The following SLC6A19 variants were observed in gnomAD, a reference collection of about 807,000 sequenced individuals.
SLC6A19 encodes the protein sodium-dependent neutral amino acid transporter B(0)AT1.
SLC6A19 carries 67 observed loss-of-function variants against 68.3 expected under a neutral mutation model. That is an observed-to-expected ratio of 0.98 (90% CI 0.81 to 1.20). The LOEUF (loss-of-function observed/expected upper bound fraction) is 1.20, where lower values mean the gene tolerates loss of function less well. Ranked by LOEUF, SLC6A19 falls within the 50% of genes most tolerant of loss-of-function variation. SLC6A19 has a pLI of 0.00. For missense variants in SLC6A19, 813 were observed against 851.6 expected, an observed-to-expected ratio of 0.95 and a Z score of 0.56; for synonymous variants, 392 against 374.9, an observed-to-expected ratio of 1.05 and a Z score of -0.53.
At position 1,216,882 on chromosome 5, in the gene SLC6A19, C is replaced by G. The variant is rs564673494; in HGVS notation, c.1110C>G (p.Ser370=). The G allele has an allele frequency of 1.2e-6, 2 of 1,613,558 alleles. No homozygotes were observed. The highest frequency in any genetic ancestry group is 1.7e-6 in the Non-Finnish European group (2 of 1,180,040). ...ACATGCAGCAGCGGTGCAACGCCTC[C>G]GACCCCGCGGCCTACGCGCAGCTGG... ...FVDMQQRCNA[S]DPAAYAQLVF... Residue 370 remains serine, a synonymous_variant, in exon 8 of 12, where the codon TCC becomes TCG. Transcript: ENST00000304460.
intron 8 of SLC6A19, among the ~76,000 whole-genome samples, chr5:1,218,702 G>C (rs1746273367): frequency 6.6e-6 from 1 of 152,194 alleles, no homozygotes; most frequent in Non-Finnish European, 1.5e-5. Context: ...CTTGGTGATG[G>C]GATCCACGTG....
At chr5:1,208,908 C>A (rs769418030) in intron 2 of SLC6A19, 22 bp downstream of exon 2, 1 of 1,599,788 alleles carries the variant, frequency 6.3e-7, no homozygotes, top group Admixed American at 1.7e-5. Flanking sequence ...GGAGCAGTTC[C>A]ACCCGGGCCC....
intron 8 of SLC6A19, 138 bp downstream of exon 8, chr5:1,217,083 C>A: frequency 7.3e-7 from 1 of 1,376,786 alleles, no homozygotes; most frequent in Non-Finnish European, 1.0e-6. Flanking sequence ...CCACTGTCTG[C>A]TCTGCCTGGC....
Position 1,221,883 on chromosome 5 carries a change from G to C in SLC6A19, c.1884G>C (p.Met628Ile), listed in dbSNP as rs1325222691. 11 of 1,614,150 alleles carry C rather than the reference G, an allele frequency of 6.8e-6. No homozygotes were observed. Among genetic ancestry groups the C allele is most frequent in the Non-Finnish European group, 8.5e-6 (10 of 1,180,034 alleles). Residue 628 changes from methionine to isoleucine, a missense_variant, in exon 12 of 12, where the codon ATG (methionine) becomes ATC (isoleucine). By Grantham distance (10) the Met-to-Ile change is conservative. Transcript: ENST00000304460. ...GLVSTLSTASMNGDLKY is the reference protein window; with the variant it reads ...GLVSTLSTASINGDLKY ...TGAGCACACTGTCCACAGCCTCCAT[G>C]AACGGGGACCTGAAGTACTGAGAAG...
At position 1,221,701 on chromosome 5, in the gene SLC6A19, G is replaced by A; in HGVS notation, c.1702G>A (p.Glu568Lys). The A allele has an allele frequency of 6.2e-7, 1 of 1,613,936 alleles. No individual in the cohort carries two copies. Among genetic ancestry groups the A allele is most frequent in the Non-Finnish European group, 8.5e-7 (1 of 1,179,868 alleles). ...LTYSIWDPGYEEFPKSQKISY... is the reference protein window; with the variant it reads ...LTYSIWDPGYKEFPKSQKISY... ...CTCACCCATGGGGCTCTCTCCCCAG[G>A]AGGAATTTCCCAAATCCCAGAAGAT... The change falls in exon 12 of 12, where the codon GAG (glutamate) becomes AAG (lysine). Residue 568 changes from glutamate (E) to lysine (K), a missense_variant and splice_region_variant. By Grantham distance (56) the Glu-to-Lys change is moderately conservative (BLOSUM62 1). Coordinates refer to ENST00000304460, the MANE Select transcript of SLC6A19 (RefSeq NM_001003841.3).
At chr5:1,205,198 G>C (rs13170093) in intron 1 of SLC6A19, among the ~76,000 whole-genome samples, 5,289 of 152,308 alleles carry the variant, frequency 0.035, 147 homozygotes, top group Non-Finnish European at 0.051. Flanking sequence ...GCAGAGCCAC[G>C]CAGTGTTCCC....
At position 1,215,164 on chromosome 5, in the gene SLC6A19, A is replaced by C. The variant is rs936759389; in HGVS notation, c.887+1099A>C. ...CCTGGGCACTGCAGGCAGCTGGGGC[A>C]GGGCCAAGGCAGGATTGAGGACTCT... On this transcript the variant is annotated intron_variant, in intron 6 of 11. Transcript: ENST00000304460. The surrounding 1 kb of genome is among the most constrained non-coding windows in gnomAD (Gnocchi z 5.1). Among the ~76,000 whole-genome samples, 2 of 152,102 alleles carry C rather than the reference A, an allele frequency of 1.3e-5. No individual in the cohort carries two copies. The highest frequency in any genetic ancestry group is 2.9e-5 in the Non-Finnish European group (2 of 67,988).
rs761618198 is a variant in SLC6A19, at chr5:1,221,719, CAGA to C, written c.1724_1726del (p.Lys575del). ...TCCCCAGGAGGAATTTCCCAAATCC[CAGA>C]AGATCTCCTACCCGAACTGGGTGTA... On this transcript the variant is annotated inframe_deletion, in exon 12 of 12. Transcript: ENST00000304460. 2 of 1,613,906 alleles carry C rather than the reference CAGA, an allele frequency of 1.2e-6. No homozygotes were observed. The highest frequency in any genetic ancestry group is 8.5e-7 in the Non-Finnish European group (1 of 1,179,914).
In SLC6A19 at chr5:1,221,181, C is replaced by G. The variant is rs766671866; in HGVS notation, c.1569C>G (p.Gly523=). 9 of 1,613,982 alleles carry G rather than the reference C, an allele frequency of 5.6e-6. No homozygotes were observed. In the Middle Eastern group the frequency reaches 9.9e-4, roughly 177 times the overall value. ...RFNKDIEFMI[G]HKPNIFWQVT... ...ATAAGGACATCGAGTTCATGATCGGCCACAAGCCCAACATCTTCTGGCAAG... is the reference window on the plus strand; with the variant it reads ...ATAAGGACATCGAGTTCATGATCGGGCACAAGCCCAACATCTTCTGGCAAG... Residue 523 remains glycine, a synonymous_variant, in exon 11 of 12, where the codon GGC becomes GGG. Coordinates refer to ENST00000304460, the MANE Select transcript of SLC6A19 (RefSeq NM_001003841.3).
At position 1,212,940 on chromosome 5, in the gene SLC6A19, C is replaced by T. The variant is rs1746085110; in HGVS notation, c.663+456C>T. Among the ~76,000 whole-genome samples, 1 of 151,752 alleles carries T rather than the reference C, an allele frequency of 6.6e-6. No individual in the cohort carries two copies. Among genetic ancestry groups the T allele is most frequent in the Non-Finnish European group, 1.5e-5 (1 of 67,900 alleles). ...AGCCTGTGAGGCCCTGTCCCCGTTC[C>T]CACTCGTCCCACATGCCCCCCACCA... On this transcript the variant is annotated intron_variant, in intron 4 of 11. Coordinates refer to ENST00000304460, the MANE Select transcript of SLC6A19 (RefSeq NM_001003841.3). The surrounding 1 kb of genome is among the most constrained non-coding windows in gnomAD (Gnocchi z 5.1).
chr5:1,201,979 G>A (rs942104383), intron 1 of SLC6A19, 127 bp downstream of exon 1: 12 of 1,299,174 alleles, frequency 9.2e-6, no homozygotes, highest in African/African-American at 3.0e-5. Context: ...AGGAGAAGCC[G>A]CAGGGTGTGG....
chr5:1,217,683 G>A (rs367727072), intron 8 of SLC6A19, among the ~76,000 whole-genome samples: 1 of 152,210 alleles, frequency 6.6e-6, no homozygotes, highest in Non-Finnish European at 1.5e-5. Context: ...TGCAGGATGC[G>A]CAGGCAGGAG....
rs779304140 is a variant in SLC6A19 at position 1,219,638 on chromosome 5, T to C, written c.1512T>C (p.Ser504=). Residue 504 remains serine (S), a synonymous_variant, in exon 10 of 12, where the codon TCT becomes TCC. Transcript: ENST00000304460. ...TCATCGCCTTCTGCGAGATGTTCTC[T>C]GTGGTCTACGTGTACGGTGTGGACA... ...LLIIAFCEMF[S]VVYVYGVDRF... 6.2e-7 allele frequency: 1 copy of C among 1,607,576 alleles called. No homozygotes were observed. Among genetic ancestry groups the C allele is most frequent in the Admixed American group, 1.7e-5 (1 of 60,026 alleles).
chr5:1,205,513 G>A (rs572867257), intron 1 of SLC6A19, among the ~76,000 whole-genome samples: 7 of 152,288 alleles, frequency 4.6e-5, no homozygotes, highest in East Asian at 3.9e-4. Context: ...TCTCCTGCCC[G>A]GAGGAACCTT....
At chr5:1,202,743 C>G (rs905047757) in intron 1 of SLC6A19, among the ~76,000 whole-genome samples, 3 of 152,210 alleles carry the variant, frequency 2.0e-5, no homozygotes, top group Non-Finnish European at 2.9e-5. Context: ...CCTCAGGGGG[C>G]CCTGTTCCTT....
chr5:1,220,426 A>AT (rs1746343256), intron 10 of SLC6A19, among the ~76,000 whole-genome samples: 2 of 150,418 alleles, frequency 1.3e-5, no homozygotes, highest in Non-Finnish European at 3.0e-5. Context: ...AAAAAAAAAA[A>AT]AGAGGAAGAA....
chr5:1,221,855 T>A lies in SLC6A19; in HGVS notation c.1856T>A (p.Leu619Gln). The change falls in exon 12 of 12, where the codon CTG becomes CAG. Residue 619 changes from leucine to glutamine, a missense_variant. Transcript: ENST00000304460. ...HCQKPGDHQGLVSTLSTASMN... is the reference protein window; with the variant it reads ...HCQKPGDHQGQVSTLSTASMN... The stretch of plus-strand genomic sequence containing the variant: ...CAGAAGCCAGGGGACCATCAGGGGC[T>A]GGTGAGCACACTGTCCACAGCCTCC... 1 of 1,614,158 alleles carries A rather than the reference T, an allele frequency of 6.2e-7. No individual in the cohort carries two copies. Among genetic ancestry groups the A allele is most frequent in the Non-Finnish European group, 8.5e-7 (1 of 1,180,038 alleles).
At position 1,212,598 on chromosome 5, in the gene SLC6A19, T is replaced by G; in HGVS notation, c.663+114T>G. 1 of 1,344,538 alleles carries G rather than the reference T, an allele frequency of 7.4e-7. No individual in the cohort carries two copies. The highest frequency in any genetic ancestry group is 1.9e-5 in the Admixed American group (1 of 52,456). 83.3% of individuals were successfully genotyped at this position (1,344,538 alleles called of 1,614,324 possible). On this transcript the variant is annotated intron_variant, in intron 4 of 11. Coordinates refer to ENST00000304460, the MANE Select transcript of SLC6A19 (RefSeq NM_001003841.3). The surrounding 1 kb of genome is among the most constrained non-coding windows in gnomAD (Gnocchi z 5.1). ...GTCTGGGGGTCCCGGGCTCTGCCTTTCCCCAGACCCCACCAAGAGAGCTGC... is the reference window on the plus strand; with the variant it reads ...GTCTGGGGGTCCCGGGCTCTGCCTTGCCCCAGACCCCACCAAGAGAGCTGC...
At chr5:1,217,703 A>G (rs1462061013) in intron 8 of SLC6A19, among the ~76,000 whole-genome samples, 1 of 152,258 alleles carries the variant, frequency 6.6e-6, no homozygotes, top group Non-Finnish European at 1.5e-5. Flanking sequence ...GGGGCCCAAC[A>G]GGGCCGTCTG....
Sources: allele counts gnomAD v4.1 joint callset (sites outside exome capture counted in the v4.1 genomes callset), GRCh38; gene constraint gnomAD v4.1.1; non-coding constraint Gnocchi (gnomAD v3.1); transcripts MANE v1.5; gene names NCBI Gene and HGNC (gene_info 2026-07-23, HGNC 2026-07-21).